Variants in DENND2B observed in about 807,000 individuals in gnomAD.
The protein encoded by DENND2B is DENN domain-containing protein 2B.
A neutral mutation model predicts 116.0 loss-of-function variants in DENND2B; 32 were observed. The observed-to-expected ratio is 0.28, with a 90% CI of 0.21 to 0.37. The LOEUF is 0.37. Ranked by LOEUF, DENND2B falls within the 10% of genes least tolerant of loss-of-function variation. The pLI is 1.00. For missense variants in DENND2B, 1,276 were observed against 1,477.7 expected, an observed-to-expected ratio of 0.86 and a Z score of 2.24; for synonymous variants, 588 against 583.9, an observed-to-expected ratio of 1.01 and a Z score of -0.10.
intron 14 of DENND2B, among the ~76,000 whole-genome samples, chr11:8,701,420 C>T (rs2041645642): frequency 7.0e-6 from 1 of 143,252 alleles, no homozygotes; most frequent in Non-Finnish European, 1.5e-5. Context: ...GCAAATCAAA[C>T]ACCGCCTCCT....
intron 4 of DENND2B, among the ~76,000 whole-genome samples, chr11:8,720,381 A>G (rs765777235): frequency 6.6e-6 from 1 of 152,210 alleles, no homozygotes; most frequent in Non-Finnish European, 1.5e-5. Flanking sequence ...GGGAAGTAAT[A>G]GATGTACAAG....
intron 14 of DENND2B, chr11:8,699,791 A>G: frequency 6.6e-6 from 3 of 453,584 alleles, no homozygotes; most frequent in South Asian, 3.2e-5. Flanking sequence ...GAACTAGGCA[A>G]GAGGGACAAA....
At chr11:8,850,392 C>A (rs557963112) in intron 3 of DENND2B, among the ~76,000 whole-genome samples, 6 of 151,924 alleles carry the variant, frequency 3.9e-5, no homozygotes, top group African/African-American at 1.2e-4. Flanking sequence ...AGGACCTGAA[C>A]AGACGTTTTT....
intron 19 of DENND2B, among the ~76,000 whole-genome samples, 172 bp downstream of exon 19, chr11:8,695,291 C>T (rs1347310889): frequency 6.6e-6 from 1 of 152,126 alleles, no homozygotes; most frequent in Non-Finnish European, 1.5e-5. Flanking sequence ...GCAAAATGCC[C>T]TTGGAATTCT....
intron 2 of DENND2B, among the ~76,000 whole-genome samples, chr11:8,863,346 T>TCCCAGGTTCACACCATTATCCTGC: frequency 1.2e-5 from 1 of 81,304 alleles, no homozygotes; most frequent in South Asian, 5.6e-4. Flanking sequence ...AAGCTCCACC[T>TCCCAGGTTCACACCATTATCCTGC]CTCAGCCTCC....
chr11:8,853,813 AT>A (rs969344056), intron 3 of DENND2B, among the ~76,000 whole-genome samples: 4 of 151,890 alleles, frequency 2.6e-5, no homozygotes, highest in African/African-American at 9.7e-5. Context: ...TGAGGTTTTT[AT>A]TTTTTTAGAA....
chr11:8,726,062 C>G lies in DENND2B; in HGVS notation c.1477+11G>C. Reference sequence around the variant, plus strand: ...TGAGATGACCCAGGTGCCACCTCTGCCATTGCTTACCCACAATATCTTCAT... The same window carrying G: ...TGAGATGACCCAGGTGCCACCTCTGGCATTGCTTACCCACAATATCTTCAT... On this transcript the variant is annotated intron_variant, in intron 4 of 19. Transcript: ENST00000313726. 1.9e-6 allele frequency: 3 copies of G among 1,613,958 alleles called. No individual in the cohort carries two copies. The highest frequency in any genetic ancestry group is 1.7e-6 in the Non-Finnish European group (2 of 1,179,928).
chr11:8,747,880 T>C (rs532809733), intron 2 of DENND2B, among the ~76,000 whole-genome samples: 32 of 152,296 alleles, frequency 2.1e-4, no homozygotes, highest in African/African-American at 7.5e-4. Flanking sequence ...TGTGAAAACC[T>C]AGGGACTGGA....
At chr11:8,758,740 C>T (rs894296228) in intron 1 of DENND2B, among the ~76,000 whole-genome samples, 75 of 152,110 alleles carry the variant, frequency 4.9e-4, no homozygotes, top group Admixed American at 3.1e-3. Context: ...AGTTAGATGC[C>T]GCGGCTCCCT....
chr11:8,725,777 G>C (rs1242428823), intron 4 of DENND2B, among the ~76,000 whole-genome samples: 1 of 152,218 alleles, frequency 6.6e-6, no homozygotes, highest in Admixed American at 6.5e-5. Flanking sequence ...CTAAGGAAGA[G>C]GGCCTGTTGG....
chr11:8,789,080 T>C (rs1010415211), intron 1 of DENND2B, among the ~76,000 whole-genome samples: 2 of 152,200 alleles, frequency 1.3e-5, no homozygotes, highest in Non-Finnish European at 2.9e-5. Flanking sequence ...ACACATCCAA[T>C]ACACTTCTGA....
intron 14 of DENND2B, chr11:8,699,761 C>A (rs1396606430): frequency 9.2e-6 from 4 of 433,984 alleles, no homozygotes; most frequent in Non-Finnish European, 4.6e-6. Context: ...ATCGTGGGTA[C>A]CCTCTCCCAC....
intron 3 of DENND2B, among the ~76,000 whole-genome samples, chr11:8,848,151 T>C (rs912001917): frequency 4.0e-4 from 61 of 152,312 alleles, no homozygotes; most frequent in African/African-American, 1.3e-3. Context: ...GAGATGCATA[T>C]AAAACTCTCA....
At position 8,867,573 on chromosome 11, in the gene DENND2B, C is replaced by CTTTTTT. The variant is rs33990941; in HGVS notation, c.-250+3375_-250+3380dup. ...ACTAGTACCAAGTTTTAAAATTCAG[C>CTTTTTT]TTTTTTTTTTTTTTTTTTTTTTTGA... On this transcript the variant is annotated intron_variant, in intron 2 of 6. Coordinates refer to the DENND2B transcript ENST00000524757. 4.7e-4 allele frequency among the ~76,000 whole-genome samples: 42 copies of CTTTTTT among 89,246 alleles called. 1 individual carries two copies. The highest frequency in any genetic ancestry group is 7.3e-4 in the Admixed American group (4 of 5,492). The allele number at this position is 89,246 out of a possible 152,430, so 58.5% of individuals were successfully genotyped here. A position where few individuals can be genotyped will look rare whatever the true frequency, so the allele number is the denominator to read the frequency against.
At chr11:8,733,370 G>A (rs1415177411) in intron 2 of DENND2B, among the ~76,000 whole-genome samples, 1 of 152,230 alleles carries the variant, frequency 6.6e-6, no homozygotes, top group African/African-American at 2.4e-5. Flanking sequence ...GTTCTCAACT[G>A]AAGATGCATT....
At chr11:8,713,717 A>G (rs879884812) in intron 8 of DENND2B, among the ~76,000 whole-genome samples, 7 of 152,050 alleles carry the variant, frequency 4.6e-5, no homozygotes, top group African/African-American at 1.7e-4. Flanking sequence ...CTAGCACCCA[A>G]CTCCCATGGA....
intron 1 of DENND2B, among the ~76,000 whole-genome samples, chr11:8,786,483 G>A (rs1432284403): frequency 2.6e-5 from 4 of 152,148 alleles, no homozygotes; most frequent in Admixed American, 2.6e-4. Context: ...TGACTGCCAA[G>A]GAGAAGGCCA....
At chr11:8,893,978 T>C (rs973934432) in intron 1 of DENND2B, among the ~76,000 whole-genome samples, 135 of 152,130 alleles carry the variant, frequency 8.9e-4, no homozygotes, top group Admixed American at 2.4e-3. Flanking sequence ...GGAGGCATCA[T>C]GCTACCTGAC....
intron 1 of DENND2B, chr11:8,784,418 C>T (rs1260079525): frequency 6.8e-6 from 1 of 146,710 alleles, no homozygotes; most frequent in African/African-American, 2.6e-5. Context: ...TAGAACAAGA[C>T]CCAGTAACAA....
Sources: gnomAD v4.1 joint callset for allele counts (sites outside exome capture counted in the v4.1 genomes callset) on GRCh38, gnomAD v4.1.1 for gene constraint, MANE v1.5 for transcripts, NCBI Gene and HGNC (gene_info 2026-07-23, HGNC 2026-07-21) for gene names.